The following TIAM2 variants were observed in gnomAD, a reference collection of about 807,000 sequenced individuals.
The protein encoded by TIAM2 is rho guanine nucleotide exchange factor TIAM2.
In TIAM2, 80 loss-of-function variants were observed where a neutral mutation model predicts 152.9. That is an observed-to-expected ratio of 0.52 (90% CI 0.44 to 0.63). The LOEUF is 0.63. TIAM2 is among the 30% of genes least tolerant of loss of function. The pLI is 0.00. For synonymous variants in TIAM2, 804 were observed against 838.0 expected (o/e 0.96, Z 0.70); for missense variants, 1,965 against 2,120.1 (o/e 0.93, Z 1.44).
chr6:155,212,957 T>C (rs1054124702), intron 15 of TIAM2, among the ~76,000 whole-genome samples: 3 of 152,166 alleles, frequency 2.0e-5, no homozygotes, highest in African/African-American at 4.8e-5. Flanking sequence ...GCAGTTTCCA[T>C]GGCCTGCATC....
rs780081320 is a variant in TIAM2, at chr6:155,257,020, G to A, written c.5005G>A (p.Asp1669Asn). The A allele has an allele frequency of 8.1e-6, 13 of 1,614,100 alleles. No individual in the cohort carries two copies. The highest frequency in any genetic ancestry group is 6.6e-5 in the South Asian group (6 of 91,060). ...CAGTCAGTCTGAAAATGCCACCATCGACCTAAATTCTGTTCTAGAGCGAGA... is the reference window on the plus strand; with the variant it reads ...CAGTCAGTCTGAAAATGCCACCATCAACCTAAATTCTGTTCTAGAGCGAGA... ...LDSQSENATIDLNSVLEREFS... is the reference protein window; with the variant it reads ...LDSQSENATINLNSVLEREFS... The change falls in exon 27 of 27, where the codon GAC becomes AAC. Residue 1669 changes from aspartate to asparagine, a missense_variant. Asp to Asn is a conservative substitution (Grantham distance 23). Around this residue, in one of 3 missense-constraint regions of TIAM2, gnomAD observed 935 missense variants for 980.0 expected, o/e 0.95. Coordinates refer to ENST00000682666, the MANE Select transcript of TIAM2 (RefSeq NM_012454.4).
At chr6:155,052,668 A>C (rs1777343227) in intron 1 of TIAM2, among the ~76,000 whole-genome samples, 1 of 151,982 alleles carries the variant, frequency 6.6e-6, no homozygotes, top group South Asian at 2.1e-4. Context: ...CGGGAGGCTA[A>C]GGCAGGAGAA....
intron 2 of TIAM2, among the ~76,000 whole-genome samples, chr6:155,119,576 T>G (rs1469669800): frequency 6.6e-6 from 1 of 152,148 alleles, no homozygotes; most frequent in South Asian, 2.1e-4. Context: ...TGTCCTCAAG[T>G]GATCTGCCTG....
chr6:155,198,395 G>A (rs904474523), intron 14 of TIAM2, among the ~76,000 whole-genome samples: 11 of 152,216 alleles, frequency 7.2e-5, no homozygotes, highest in African/African-American at 2.7e-4. Context: ...GGGCGTGGTG[G>A]CTCACGCCTG....
chr6:155,033,664 C>T (rs184479215), intron 1 of TIAM2, among the ~76,000 whole-genome samples: 1 of 151,928 alleles, frequency 6.6e-6, no homozygotes, highest in East Asian at 1.9e-4. Context: ...CTAGAAGTAA[C>T]TTCTGCCATT....
chr6:155,122,207 A>T (rs9397784), intron 2 of TIAM2: 64,943 of 151,742 alleles, frequency 0.43, 15,722 homozygotes, highest in East Asian at 0.67. Flanking sequence ...ACGCTTCTGG[A>T]GTGGTTACTG....
At position 155,144,628 on chromosome 6, in the gene TIAM2, G is replaced by C. The variant is rs1779783119; in HGVS notation, c.1653G>C (p.Glu551Asp). ...CAGGATGCACGCTGCTGTTTTATGAGACCTATGGGAAGAATTCCATGGATC... is the reference window on the plus strand; with the variant it reads ...CAGGATGCACGCTGCTGTTTTATGACACCTATGGGAAGAATTCCATGGATC... ...TLKGCTLLFY[E>D]TYGKNSMDQS... Residue 551 changes from glutamate to aspartate, a missense_variant, in exon 6 of 27, where the codon GAG (glutamate) becomes GAC (aspartate). Coordinates refer to ENST00000682666, the MANE Select transcript of TIAM2 (RefSeq NM_012454.4). 3.9e-6 allele frequency: 6 copies of C among 1,552,754 alleles called. No homozygotes were observed. The African/African-American group carries it at 4.2e-5, about 11-fold the overall frequency.
intron 1 of TIAM2, among the ~76,000 whole-genome samples, chr6:155,022,906 T>G (rs1776526088): frequency 6.6e-6 from 1 of 152,246 alleles, no homozygotes; most frequent in Admixed American, 6.5e-5. Context: ...AGCGCTGGGC[T>G]TGGCAGCCAT....
intron 2 of TIAM2, among the ~76,000 whole-genome samples, chr6:155,100,905 C>T (rs1049735120): frequency 2.6e-5 from 4 of 152,174 alleles, no homozygotes; most frequent in Non-Finnish European, 5.9e-5. Flanking sequence ...ACAGTGGGAT[C>T]TGATGTCACG....
chr6:155,165,249 G>A lies in TIAM2; in HGVS notation c.2215-14G>A. On this transcript the variant is annotated splice_polypyrimidine_tract_variant and intron_variant, in intron 8 of 26. Coordinates refer to ENST00000682666, the MANE Select transcript of TIAM2 (RefSeq NM_012454.4). ...TAAGCCTTTAGATTTTTTTTAAACT[G>A]TGTTTTACATTAGGTATGTTCTAGA... is the stretch of plus-strand genomic sequence containing the variant. 1 of 1,593,332 alleles carries A rather than the reference G, an allele frequency of 6.3e-7. No individual in the cohort carries two copies. Among genetic ancestry groups the A allele is most frequent in the Non-Finnish European group, 8.5e-7 (1 of 1,173,678 alleles).
At chr6:155,017,126 C>A (rs1457981182) in intron 1 of TIAM2, among the ~76,000 whole-genome samples, 1 of 152,112 alleles carries the variant, frequency 6.6e-6, no homozygotes, top group Non-Finnish European at 1.5e-5. Flanking sequence ...CCTCCTTGCC[C>A]ACCGCATTCG....
At chr6:155,083,661 C>T (rs1778119174) in intron 1 of TIAM2, among the ~76,000 whole-genome samples, 1 of 152,112 alleles carries the variant, frequency 6.6e-6, no homozygotes, top group Non-Finnish European at 1.5e-5. Context: ...ATTGCTGTTC[C>T]CTAATGAAGA....
intron 15 of TIAM2, among the ~76,000 whole-genome samples, chr6:155,212,840 C>T (rs1477389558): frequency 6.6e-6 from 1 of 152,152 alleles, no homozygotes; most frequent in Non-Finnish European, 1.5e-5. Flanking sequence ...GGTCTGGCCA[C>T]CACACACAGG....
At chr6:155,024,496 CCTT>C (rs1318752210) in intron 1 of TIAM2, among the ~76,000 whole-genome samples, 1 of 151,588 alleles carries the variant, frequency 6.6e-6, no homozygotes. Flanking sequence ...GTTATCTTTG[CCTT>C]CTTTAATAGT....
chr6:155,105,409 C>A (rs1778659874), intron 2 of TIAM2, among the ~76,000 whole-genome samples: 1 of 152,204 alleles, frequency 6.6e-6, no homozygotes, highest in African/African-American at 2.4e-5. Context: ...CATTGGCCTC[C>A]CAGAGGCTGG....
intron 26 of TIAM2, 142 bp downstream of exon 26, chr6:155,254,715 T>C: frequency 1.9e-6 from 2 of 1,058,114 alleles, no homozygotes; most frequent in South Asian, 1.8e-5. Context: ...AACCTAAACA[T>C]GCCTCTTGCT....
intron 9 of TIAM2, among the ~76,000 whole-genome samples, chr6:155,173,193 G>GTC (rs1324674873): frequency 7.0e-4 from 99 of 141,718 alleles, no homozygotes; most frequent in Non-Finnish European, 1.0e-3. Context: ...GTGTGTGTGT[G>GTC]TGTGTGTGTC....
At chr6:155,038,010 T>G (rs982135001) in intron 1 of TIAM2, among the ~76,000 whole-genome samples, 1 of 151,736 alleles carries the variant, frequency 6.6e-6, no homozygotes, top group African/African-American at 2.4e-5. Context: ...CAGTTTCTTT[T>G]CTCCAGTTGT....
chr6:155,164,680 C>T lies in TIAM2; in HGVS notation c.2214+80C>T, dbSNP rs1005050898. On this transcript the variant is annotated intron_variant, in intron 8 of 26. Coordinates refer to ENST00000682666, the MANE Select transcript of TIAM2 (RefSeq NM_012454.4). Reference sequence around the variant, plus strand: ...CCCCCTTTCTTCAGCTTGTTGCCATCGGCACTTGTGGGGCTTGACCCAACA... The same window carrying T: ...CCCCCTTTCTTCAGCTTGTTGCCATTGGCACTTGTGGGGCTTGACCCAACA... 8.0e-5 allele frequency: 120 copies of T among 1,506,788 alleles called. 2 individuals carry two copies. In the Admixed American group the frequency reaches 1.9e-3, roughly 24 times the overall value. 93.3% of individuals were successfully genotyped at this position (1,506,788 alleles called of 1,614,324 possible).
Sources: allele counts gnomAD v4.1 joint callset (sites outside exome capture counted in the v4.1 genomes callset), GRCh38; gene constraint gnomAD v4.1.1; regional missense constraint gnomAD v4.1.1; transcripts MANE v1.5; gene names NCBI Gene and HGNC (gene_info 2026-07-23, HGNC 2026-07-21).